Variants in TEAD1 observed in about 807,000 individuals in gnomAD.
TEAD1 encodes the protein TEA domain transcription factor 1.
Under a neutral mutation model 54.9 loss-of-function variants are expected in TEAD1, and 9 were observed. That is an observed-to-expected ratio of 0.16 (90% CI 0.10 to 0.29). The LOEUF is 0.29. Ranked by LOEUF, TEAD1 falls within the 10% of genes least tolerant of loss-of-function variation. TEAD1 has a pLI of 1.00. For synonymous variants in TEAD1, 200 were observed against 187.8 expected, an observed-to-expected ratio of 1.07 and a Z score of -0.53; for missense variants, 387 against 535.9, an observed-to-expected ratio of 0.72 and a Z score of 2.74.
At position 12,721,668 on chromosome 11, in the gene TEAD1, C is replaced by T. The variant is rs191941297; in HGVS notation, c.-54-42511C>T. On this transcript the variant is annotated intron_variant, in intron 2 of 12. Coordinates refer to ENST00000527636, the MANE Select transcript of TEAD1 (RefSeq NM_021961.6). Reference sequence around the variant, plus strand: ...AGCATGGACATGTGAAATTGGATAACGTCTGTTAGCCCAGGAATTATTTCA... The same window carrying T: ...AGCATGGACATGTGAAATTGGATAATGTCTGTTAGCCCAGGAATTATTTCA... Among the ~76,000 whole-genome samples, 104 of 152,186 alleles carry T rather than the reference C, an allele frequency of 6.8e-4. 1 individual carries two copies. Among genetic ancestry groups the T allele is most frequent in the Admixed American group, 1.4e-3 (21 of 15,288 alleles).
chr11:12,933,633 G>T (rs1480003510), intron 12 of TEAD1, among the ~76,000 whole-genome samples: 1 of 152,098 alleles, frequency 6.6e-6, no homozygotes, highest in African/African-American at 2.4e-5. Flanking sequence ...ATCGCAGATT[G>T]GGAGGGCCAA....
chr11:12,850,121 G>A (rs928769647), intron 3 of TEAD1, among the ~76,000 whole-genome samples: 30 of 152,262 alleles, frequency 2.0e-4, no homozygotes, highest in African/African-American at 6.5e-4. Flanking sequence ...TATAAACCTG[G>A]TGCAGTGACA....
At chr11:12,678,776 T>G (rs1352664971) in intron 2 of TEAD1, among the ~76,000 whole-genome samples, 1 of 152,234 alleles carries the variant, frequency 6.6e-6, no homozygotes, top group African/African-American at 2.4e-5. Flanking sequence ...AACTCTTGAG[T>G]GTCCTCAATC....
intron 2 of TEAD1, among the ~76,000 whole-genome samples, chr11:12,732,832 A>AGAAT (rs1390674047): frequency 6.6e-6 from 1 of 152,238 alleles, no homozygotes; most frequent in Non-Finnish European, 1.5e-5. Context: ...GTGATTGCAT[A>AGAAT]GAATGGTCTT....
At chr11:12,740,901 A>G (rs1426152415) in intron 2 of TEAD1, among the ~76,000 whole-genome samples, 1 of 152,056 alleles carries the variant, frequency 6.6e-6, no homozygotes, top group Non-Finnish European at 1.5e-5. Flanking sequence ...TGTGACTTCT[A>G]AGCTTTCTTC....
At chr11:12,728,833 C>G (rs1004957771) in intron 2 of TEAD1, among the ~76,000 whole-genome samples, 1 of 152,156 alleles carries the variant, frequency 6.6e-6, no homozygotes, top group Non-Finnish European at 1.5e-5. Context: ...GAATTCTTGC[C>G]ATGCTTTATA....
chr11:12,858,990 C>T (rs1364694989), intron 3 of TEAD1, among the ~76,000 whole-genome samples: 2 of 152,170 alleles, frequency 1.3e-5, no homozygotes, highest in South Asian at 2.1e-4. Flanking sequence ...GGTATCTAAA[C>T]ATAATCTAAA....
chr11:12,880,696 C>A (rs2304731), intron 6 of TEAD1, among the ~76,000 whole-genome samples: 66,252 of 152,028 alleles, frequency 0.44, 15,492 homozygotes, highest in East Asian at 0.79. Context: ...TCAGTCAGTT[C>A]AAATATTGGT....
At chr11:12,907,689 C>G (rs1948544099) in intron 10 of TEAD1, among the ~76,000 whole-genome samples, 1 of 152,190 alleles carries the variant, frequency 6.6e-6, no homozygotes, top group Admixed American at 6.5e-5. Flanking sequence ...CAGGGCTAAG[C>G]ACATACTTGA....
intron 2 of TEAD1, among the ~76,000 whole-genome samples, chr11:12,744,857 G>A (rs1944715292): frequency 6.6e-6 from 1 of 152,172 alleles, no homozygotes; most frequent in Non-Finnish European, 1.5e-5. Context: ...TCCTCGCGTT[G>A]AGGCACCTGG....
intron 3 of TEAD1, among the ~76,000 whole-genome samples, chr11:12,765,420 A>G (rs571740381): frequency 3.9e-5 from 6 of 152,326 alleles, no homozygotes; most frequent in Non-Finnish European, 5.9e-5. Flanking sequence ...CCTAACCTCA[A>G]AGAGAACTGG....
chr11:12,785,759 G>A (rs1345569710), intron 3 of TEAD1, among the ~76,000 whole-genome samples: 5 of 152,180 alleles, frequency 3.3e-5, no homozygotes, highest in Non-Finnish European at 5.9e-5. Flanking sequence ...CCATGTTGGA[G>A]GGTCCAGGAG....
At chr11:12,696,619 T>C (rs745532412) in intron 2 of TEAD1, among the ~76,000 whole-genome samples, 10 of 152,198 alleles carry the variant, frequency 6.6e-5, no homozygotes, top group African/African-American at 1.9e-4. Context: ...CTTGGCCTTA[T>C]AATGAACTCG....
chr11:12,942,654 C>G lies in TEAD1; in HGVS notation c.*5432C>G, dbSNP rs1326598157. 1 of 152,202 alleles carries G rather than the reference C, an allele frequency of 6.6e-6. No individual in the cohort carries two copies. Among genetic ancestry groups the G allele is most frequent in the Non-Finnish European group, 1.5e-5 (1 of 68,046 alleles). The allele number at this position is 152,202 out of a possible 1,614,324, so 9.4% of individuals were successfully genotyped here. On this transcript the variant is annotated 3_prime_UTR_variant, in exon 13 of 13. Coordinates refer to ENST00000527636, the MANE Select transcript of TEAD1 (RefSeq NM_021961.6). ...CATTCAAATGACAGTGCGCACTTAT[C>G]TGGTTTACACAATGATACCATTTTG...
chr11:12,796,889 AT>A (rs1260537165), intron 3 of TEAD1, among the ~76,000 whole-genome samples: 1 of 152,168 alleles, frequency 6.6e-6, no homozygotes, highest in Non-Finnish European at 1.5e-5. Context: ...AGGTGGGCGG[AT>A]CACGAGGTCA....
At chr11:12,752,414 G>C (rs1291417089) in intron 2 of TEAD1, among the ~76,000 whole-genome samples, 1 of 152,048 alleles carries the variant, frequency 6.6e-6, no homozygotes, top group African/African-American at 2.4e-5. Context: ...TCCCCACGCT[G>C]CCTTCCAGTC....
intron 3 of TEAD1, among the ~76,000 whole-genome samples, chr11:12,771,196 G>A (rs542948771): frequency 6.6e-6 from 1 of 152,206 alleles, no homozygotes; most frequent in African/African-American, 2.4e-5. Flanking sequence ...TATCTCCTGG[G>A]GGAGGGGTAC....
intron 10 of TEAD1, among the ~76,000 whole-genome samples, chr11:12,916,070 GAC>G (rs72374009): frequency 0.011 from 1,605 of 152,118 alleles, 13 homozygotes; most frequent in Middle Eastern, 0.024. Flanking sequence ...CTTCTGCTTC[GAC>G]TTTTTGTTGT....
At chr11:12,814,644 A>T (rs1590177347) in intron 3 of TEAD1, among the ~76,000 whole-genome samples, 2 of 152,112 alleles carry the variant, frequency 1.3e-5, no homozygotes, top group Admixed American at 1.3e-4. Context: ...GTCTTTGCGC[A>T]TGTCATCTCA....
Sources: allele counts gnomAD v4.1 joint callset (sites outside exome capture counted in the v4.1 genomes callset), GRCh38; gene constraint gnomAD v4.1.1; transcripts MANE v1.5; gene names NCBI Gene and HGNC (gene_info 2026-07-23, HGNC 2026-07-21).